ST6GALNAC3: variants seen among roughly 807,000 people sequenced by gnomAD.
ST6GALNAC3 encodes the protein ST6 N-acetylgalactosaminide alpha-2,6-sialyltransferase 3.
In ST6GALNAC3, 25 loss-of-function variants were observed where a neutral mutation model predicts 32.7. The ratio of observed to expected loss-of-function variants is 0.76; its 90% CI spans 0.56 to 1.07. ST6GALNAC3 has a LOEUF of 1.07. Among genes scored for constraint, ST6GALNAC3 ranks in the 50% least tolerant of loss-of-function variants. The pLI, the probability that ST6GALNAC3 is intolerant of heterozygous loss-of-function variation, is 0.00. For missense variants in ST6GALNAC3, 355 were observed against 382.4 expected, an observed-to-expected ratio of 0.93 and a Z score of 0.60; for synonymous variants, 129 against 133.1, an observed-to-expected ratio of 0.97 and a Z score of 0.21.
intron 3 of ST6GALNAC3, among the ~76,000 whole-genome samples, chr1:76,471,641 G>C (rs1659037196): frequency 6.6e-6 from 1 of 152,060 alleles, no homozygotes. Context: ...TCTGCACATA[G>C]TATGGTGACA....
Position 76,099,236 on chromosome 1 carries a change from C to T in ST6GALNAC3, c.18+24352C>T, listed in dbSNP as rs568447404. On this transcript the variant is annotated intron_variant, in intron 1 of 4. Transcript: ENST00000328299. Reference sequence around the variant, plus strand: ...CTTGCTGTTTCTCTTTAAGGTGATCCTGGCCCTTTATACTTCCTTTGAGTT... The same window carrying T: ...CTTGCTGTTTCTCTTTAAGGTGATCTTGGCCCTTTATACTTCCTTTGAGTT... Among the ~76,000 whole-genome samples, 4 of 152,152 alleles carry T rather than the reference C, an allele frequency of 2.6e-5. 1 individual carries two copies. Among genetic ancestry groups the T allele is most frequent in the African/African-American group, 9.6e-5 (4 of 41,504 alleles).
At chr1:76,174,310 CTTG>C (rs1315239693) in intron 1 of ST6GALNAC3, among the ~76,000 whole-genome samples, 1 of 151,944 alleles carries the variant, frequency 6.6e-6, no homozygotes, top group African/African-American at 2.4e-5. Flanking sequence ...TGCACTAAGG[CTTG>C]TTGTGGGATG....
chr1:76,476,414 A>G (rs1659358710), intron 3 of ST6GALNAC3, among the ~76,000 whole-genome samples: 1 of 152,178 alleles, frequency 6.6e-6, no homozygotes, highest in South Asian at 2.1e-4. Flanking sequence ...CTGCTCTAGT[A>G]TAAATTTGTC....
chr1:76,332,734 G>A (rs746192976), intron 2 of ST6GALNAC3, among the ~76,000 whole-genome samples: 7 of 152,080 alleles, frequency 4.6e-5, no homozygotes, highest in East Asian at 1.9e-4. Context: ...CTCTCATTGC[G>A]CCCTGTACCC....
chr1:76,540,907 C>T (rs1025505067), intron 3 of ST6GALNAC3, among the ~76,000 whole-genome samples: 3 of 152,014 alleles, frequency 2.0e-5, no homozygotes, highest in African/African-American at 7.3e-5. Context: ...TTGGGGAAAC[C>T]AATATGTAAA....
intron 3 of ST6GALNAC3, among the ~76,000 whole-genome samples, chr1:76,416,151 G>T (rs1041306100): frequency 6.6e-6 from 1 of 151,220 alleles, no homozygotes; most frequent in East Asian, 1.9e-4. Flanking sequence ...TTGCATCAAA[G>T]AAAACATTTG....
intron 1 of ST6GALNAC3, among the ~76,000 whole-genome samples, chr1:76,287,387 C>CTTT (rs5775339): frequency 0.013 from 1,709 of 130,722 alleles, 53 homozygotes; most frequent in African/African-American, 0.044. Flanking sequence ...TTTTTTCTTC[C>CTTT]TTTTTTTTTT....
intron 3 of ST6GALNAC3, among the ~76,000 whole-genome samples, chr1:76,510,007 T>C (rs1204626652): frequency 6.6e-6 from 1 of 152,224 alleles, no homozygotes; most frequent in Non-Finnish European, 1.5e-5. Context: ...AAAAGGATTT[T>C]CTCAGTCCTT....
chr1:76,517,755 C>T (rs1278118237), intron 3 of ST6GALNAC3, among the ~76,000 whole-genome samples: 4 of 135,462 alleles, frequency 3.0e-5, no homozygotes, highest in South Asian at 2.7e-4. Context: ...ATATTCACAG[C>T]GACTCAGTGA....
chr1:76,536,137 A>G (rs973569479), intron 3 of ST6GALNAC3, among the ~76,000 whole-genome samples: 3 of 152,212 alleles, frequency 2.0e-5, no homozygotes, highest in Admixed American at 2.0e-4. Flanking sequence ...AGGAAGGATT[A>G]CAACTTCTAC....
intron 3 of ST6GALNAC3, among the ~76,000 whole-genome samples, chr1:76,596,190 T>C (rs1647134355): frequency 6.6e-6 from 1 of 152,188 alleles, no homozygotes; most frequent in Non-Finnish European, 1.5e-5. Flanking sequence ...ACCTCCTGCT[T>C]TAGCTTTGTT....
chr1:76,171,044 A>T (rs1652458528), intron 1 of ST6GALNAC3, among the ~76,000 whole-genome samples: 1 of 151,396 alleles, frequency 6.6e-6, no homozygotes, highest in South Asian at 2.1e-4. Flanking sequence ...TTCAAAGACT[A>T]TTTATTTTGT....
At chr1:76,356,205 A>T (rs186623885) in intron 2 of ST6GALNAC3, among the ~76,000 whole-genome samples, 1 of 152,070 alleles carries the variant, frequency 6.6e-6, no homozygotes, top group East Asian at 1.9e-4. Flanking sequence ...AATTATTTGG[A>T]TTGTATCTCC....
rs553991992 is a variant in ST6GALNAC3 at position 76,346,237 on chromosome 1, A to G, written c.213+32238A>G. On this transcript the variant is annotated intron_variant, in intron 2 of 4. Transcript: ENST00000328299. ...TGGATACTGTTTTTCCTTCCGTAGT[A>G]GAGGGGAAAAAGTAAGCTCACACCA... Among the ~76,000 whole-genome samples the G allele has an allele frequency of 4.6e-5, 7 of 152,252 alleles. 1 individual carries two copies. Among genetic ancestry groups the G allele is most frequent in the African/African-American group, 1.7e-4 (7 of 41,548 alleles).
At chr1:76,564,011 G>C (rs1665404468) in intron 3 of ST6GALNAC3, among the ~76,000 whole-genome samples, 1 of 152,330 alleles carries the variant, frequency 6.6e-6, no homozygotes, top group African/African-American at 2.4e-5. Flanking sequence ...AGAGGTACGA[G>C]AGTACCACAT....
chr1:76,575,881 T>C (rs1168243824), intron 3 of ST6GALNAC3, among the ~76,000 whole-genome samples: 1 of 151,966 alleles, frequency 6.6e-6, no homozygotes, highest in Non-Finnish European at 1.5e-5. Flanking sequence ...TCAGATCCCA[T>C]ATGGGGGCTC....
chr1:76,479,000 T>G (rs1659545806), intron 3 of ST6GALNAC3, among the ~76,000 whole-genome samples: 1 of 152,040 alleles, frequency 6.6e-6, no homozygotes, highest in African/African-American at 2.4e-5. Flanking sequence ...CCTGACCTTG[T>G]GATCTGCCCA....
chr1:76,121,242 C>T (rs978397124), intron 1 of ST6GALNAC3, among the ~76,000 whole-genome samples: 1 of 152,194 alleles, frequency 6.6e-6, no homozygotes, highest in Admixed American at 6.5e-5. Flanking sequence ...CTGCTTACTA[C>T]AAGGGATCAC....
chr1:76,188,195 C>T (rs1158348797), intron 1 of ST6GALNAC3, among the ~76,000 whole-genome samples: 1 of 152,124 alleles, frequency 6.6e-6, no homozygotes, highest in Admixed American at 6.5e-5. Flanking sequence ...AACCCCATCT[C>T]TACTAAAAAT....
Sources: gnomAD v4.1 joint callset for allele counts (sites outside exome capture counted in the v4.1 genomes callset) on GRCh38, gnomAD v4.1.1 for gene constraint, MANE v1.5 for transcripts, NCBI Gene and HGNC (gene_info 2026-07-23, HGNC 2026-07-21) for gene names.